The following PPM1B variants were observed in gnomAD, a reference collection of about 807,000 sequenced individuals.
The protein encoded by PPM1B is protein phosphatase, Mg2+/Mn2+ dependent 1B.
PPM1B carries 22 observed loss-of-function variants against 43.0 expected under a neutral mutation model. That is an observed-to-expected ratio of 0.51 (90% confidence interval 0.37 to 0.73). The LOEUF (loss-of-function observed/expected upper bound fraction) is 0.73, where lower values mean the gene tolerates loss of function less well. PPM1B is among the 30% of genes least tolerant of loss of function. The pLI, the probability that PPM1B is intolerant of heterozygous loss-of-function variation, is 0.00. For missense variants in PPM1B, 632 were observed against 584.2 expected (o/e 1.08, Z -0.84); for synonymous variants, 217 against 197.9 (o/e 1.10, Z -0.81).
intron 2 of PPM1B, among the ~76,000 whole-genome samples, chr2:44,207,541 C>T (rs1383489553): frequency 2.0e-5 from 3 of 151,806 alleles, no homozygotes; most frequent in Non-Finnish European, 4.4e-5. Flanking sequence ...TAATTGATTG[C>T]ACATAATCTC....
chr2:44,181,879 T>G (rs1025848684), intron 1 of PPM1B, among the ~76,000 whole-genome samples: 4 of 152,200 alleles, frequency 2.6e-5, no homozygotes, highest in African/African-American at 9.7e-5. Context: ...TGTTTTGGGT[T>G]GAAGGTTAAT....
chr2:44,218,217 C>A, intron 4 of PPM1B, 139 bp downstream of exon 4: 1 of 709,518 alleles, frequency 1.4e-6, no homozygotes, highest in South Asian at 1.9e-5. Flanking sequence ...GAGAAGAACT[C>A]TTAAAACTTC....
intron 3 of PPM1B, among the ~76,000 whole-genome samples, chr2:44,213,467 TAGTA>T (rs1257335577): frequency 6.6e-6 from 1 of 152,172 alleles, no homozygotes; most frequent in African/African-American, 2.4e-5. Context: ...ATTTTGTATA[TAGTA>T]GGCCACAGTA....
chr2:44,213,270 T>C (rs1418787233), intron 3 of PPM1B, among the ~76,000 whole-genome samples: 1 of 151,804 alleles, frequency 6.6e-6, no homozygotes, highest in East Asian at 1.9e-4. Flanking sequence ...GACTTTGATA[T>C]CATACCAAGC....
intron 5 of PPM1B, among the ~76,000 whole-genome samples, chr2:44,227,435 T>A (rs1303807810): frequency 1.3e-5 from 2 of 152,104 alleles, no homozygotes; most frequent in Admixed American, 1.3e-4. Flanking sequence ...TTCCTTTCTT[T>A]CCAGGTATTT....
Position 44,240,163 on chromosome 2 carries a change from G to A in PPM1B, n.1547-4065G>A, listed in dbSNP as rs186824247. On this transcript the variant is annotated intron_variant and non_coding_transcript_variant, in intron 5 of 5. Coordinates refer to the PPM1B transcript ENST00000378540. ...ACTGGGAGTACAGACATGAGCCACC[G>A]CACATGGCCTAAATCTAGTTCCTTC... 1.6e-3 allele frequency among the ~76,000 whole-genome samples: 236 copies of A among 145,610 alleles called. 32 individuals carry two copies. Among genetic ancestry groups the A allele is most frequent in the South Asian group, 0.014 (57 of 4,202 alleles).
chr2:44,204,531 C>G (rs1669077123), intron 2 of PPM1B, among the ~76,000 whole-genome samples: 1 of 152,070 alleles, frequency 6.6e-6, no homozygotes, highest in Admixed American at 6.6e-5. Flanking sequence ...TAATCATAAT[C>G]GTGGTAGTAT....
intron 1 of PPM1B, among the ~76,000 whole-genome samples, chr2:44,172,191 C>G (rs1667379198): frequency 6.6e-6 from 1 of 152,162 alleles, no homozygotes; most frequent in East Asian, 1.9e-4. Flanking sequence ...ATTCTTCACA[C>G]TGTACCTGAT....
intron 1 of PPM1B, among the ~76,000 whole-genome samples, chr2:44,185,342 GT>G (rs1668069424): frequency 6.6e-6 from 1 of 152,100 alleles, no homozygotes. Flanking sequence ...GTAATTTTCT[GT>G]TTTTGATATA....
chr2:44,242,680 C>T (rs924951299), intron 5 of PPM1B, among the ~76,000 whole-genome samples: 2 of 152,088 alleles, frequency 1.3e-5, no homozygotes, highest in African/African-American at 4.8e-5. Flanking sequence ...ATTTAATTCC[C>T]AATTATTTGA....
At chr2:44,205,285 A>G (rs1271062480) in intron 2 of PPM1B, among the ~76,000 whole-genome samples, 3 of 151,256 alleles carry the variant, frequency 2.0e-5, no homozygotes, top group Non-Finnish European at 4.4e-5. Flanking sequence ...CAAGTTTAGT[A>G]TTTTTGTTAA....
At chr2:44,219,789 C>G (rs1026142569) in intron 5 of PPM1B, among the ~76,000 whole-genome samples, 4 of 151,740 alleles carry the variant, frequency 2.6e-5, no homozygotes, top group African/African-American at 9.7e-5. Context: ...ACTAAACATA[C>G]GATATTAACT....
At chr2:44,193,179 C>T (rs1014689956) in intron 1 of PPM1B, among the ~76,000 whole-genome samples, 1 of 152,110 alleles carries the variant, frequency 6.6e-6, no homozygotes, top group Non-Finnish European at 1.5e-5. Context: ...TTTACATAAC[C>T]ACCATCAGTG....
intron 5 of PPM1B, among the ~76,000 whole-genome samples, chr2:44,227,907 T>C (rs1414929016): frequency 7.0e-6 from 1 of 142,810 alleles, no homozygotes; most frequent in African/African-American, 2.6e-5. Context: ...AGCACTTTTT[T>C]TTTCTTTTTC....
intron 1 of PPM1B, among the ~76,000 whole-genome samples, chr2:44,188,684 C>G (rs1251164838): frequency 6.6e-6 from 1 of 151,892 alleles, no homozygotes; most frequent in East Asian, 1.9e-4. Flanking sequence ...GCATGAGCCA[C>G]TATGCCCAGT....
At chr2:44,217,475 C>A (rs757246532) in intron 3 of PPM1B, among the ~76,000 whole-genome samples, 1 of 151,390 alleles carries the variant, frequency 6.6e-6, no homozygotes, top group Non-Finnish European at 1.5e-5. Flanking sequence ...TTAATTTCTC[C>A]CCTTTTTCTT....
intron 2 of PPM1B, among the ~76,000 whole-genome samples, chr2:44,207,581 T>G (rs1031702812): frequency 7.0e-6 from 1 of 143,536 alleles, no homozygotes; most frequent in Non-Finnish European, 1.5e-5. Flanking sequence ...TATGATATGC[T>G]TTTTTTTTTT....
At chr2:44,196,478 A>G (rs1228539892) in intron 1 of PPM1B, among the ~76,000 whole-genome samples, 1 of 152,218 alleles carries the variant, frequency 6.6e-6, no homozygotes. Context: ...TGGCTGAGGT[A>G]GTGTTTGTCA....
chr2:44,232,666 A>T, downstream of PPM1B: 1 of 1,133,398 alleles, frequency 8.8e-7, no homozygotes, highest in Non-Finnish European at 1.1e-6. Context: ...TGGGAAATAT[A>T]GTTAGCTATA....
Sources: gnomAD v4.1 joint callset for allele counts (sites outside exome capture counted in the v4.1 genomes callset) on GRCh38, gnomAD v4.1.1 for gene constraint, MANE v1.5 for transcripts, NCBI Gene and HGNC (gene_info 2026-07-23, HGNC 2026-07-21) for gene names.